The following KCNT1 variants were observed in gnomAD, a reference collection of about 807,000 sequenced individuals.
The protein encoded by KCNT1 is potassium sodium-activated channel subfamily T member 1, also known as potassium channel subfamily T member 1.
KCNT1 carries 78 observed loss-of-function variants against 147.8 expected under a neutral mutation model. That is an observed-to-expected ratio of 0.53 (90% CI 0.44 to 0.64). The LOEUF is 0.64. Among genes scored for constraint, KCNT1 ranks in the 30% least tolerant of loss-of-function variants. The pLI is 0.00. For missense variants in KCNT1, 1,419 were observed against 1,750.3 expected, an observed-to-expected ratio of 0.81 and a Z score of 3.38; for synonymous variants, 867 against 748.8, an observed-to-expected ratio of 1.16 and a Z score of -2.58.
chr9:135,776,171 C>T (rs1833156868), intron 20 of KCNT1, among the ~76,000 whole-genome samples: 1 of 152,142 alleles, frequency 6.6e-6, no homozygotes, highest in African/African-American at 2.4e-5. Context: ...TTAGCAGCTT[C>T]TCTGTGGGGG....
chr9:135,753,659 G>T, intron 4 of KCNT1: 2 of 535,468 alleles, frequency 3.7e-6, no homozygotes, highest in South Asian at 5.0e-5. Flanking sequence ...CCCCAATCCC[G>T]CAGATGTGGG....
chr9:135,787,729 C>T (rs1208387165), intron 29 of KCNT1, among the ~76,000 whole-genome samples: 1 of 152,210 alleles, frequency 6.6e-6, no homozygotes, highest in Admixed American at 6.5e-5. Flanking sequence ...CCTGTCCCCG[C>T]CTTGAAGCTT....
In KCNT1 at chr9:135,791,898, G is replaced by T; in HGVS notation, c.3587+17G>T. ...TGACATTGTGTGAGTAGCACCTGTG[G>T]GCTGTGTGGAGACCCCCCCTGAGCA... On this transcript the variant is annotated intron_variant, in intron 30 of 30. Transcript: ENST00000371757. The T allele has an allele frequency of 6.2e-7, 1 of 1,612,794 alleles. No individual in the cohort carries two copies. Among genetic ancestry groups the T allele is most frequent in the Non-Finnish European group, 8.5e-7 (1 of 1,179,670 alleles).
chr9:135,765,712 T>A lies in KCNT1; in HGVS notation c.1289T>A (p.Ile430Asn), dbSNP rs1475180895. The change falls in exon 13 of 31, where the codon ATC becomes AAC. Residue 430 changes from isoleucine to asparagine, a missense_variant. This residue lies in a region of KCNT1 where 401 missense variants were observed against 610.6 expected (regional missense o/e 0.66). Coordinates refer to ENST00000371757, the MANE Select transcript of KCNT1 (RefSeq NM_020822.3). ...ATCCCTCTGTGGTCCCAGCGGGTCA[T>A]CTACCTCCAGGGCTCTGCACTCAAA... The part of the protein sequence containing the change: ...LQIPLWSQRV[I>N]YLQGSALKDQ... 1 of 1,610,980 alleles carries A rather than the reference T, an allele frequency of 6.2e-7. No individual in the cohort carries two copies.
At chr9:135,785,832 C>T (rs1040960621) in intron 28 of KCNT1, 3 of 428,734 alleles carry the variant, frequency 7.0e-6, no homozygotes, top group Non-Finnish European at 1.3e-5. Context: ...GAGGGGGTGA[C>T]CTCTCAGGGC....
chr9:135,786,351 A>C lies in KCNT1; in HGVS notation c.3332A>C (p.Gln1111Pro). ...EHPLLRRKSL[Q>P]WARRLSRKAP... Reference sequence around the variant, plus strand: ...CCACTGCTACGGCGCAAGAGCCTGCAGTGGGCCCGGAGGCTGAGCCGCAAG... The same window carrying C: ...CCACTGCTACGGCGCAAGAGCCTGCCGTGGGCCCGGAGGCTGAGCCGCAAG... The change falls in exon 29 of 31, where the codon CAG becomes CCG. Residue 1111 changes from glutamine to proline, a missense_variant. By Grantham distance (76) the Gln-to-Pro change is moderately conservative. This residue lies in a region of KCNT1 where 306 missense variants were observed against 294.2 expected (regional missense o/e 1.04). Transcript: ENST00000371757. The C allele has an allele frequency of 6.3e-7, 1 of 1,586,112 alleles. No homozygotes were observed. Among genetic ancestry groups the C allele is most frequent in the Middle Eastern group, 1.9e-4 (1 of 5,314 alleles).
intron 18 of KCNT1, among the ~76,000 whole-genome samples, chr9:135,772,027 G>T (rs527482067): frequency 2.6e-5 from 4 of 152,286 alleles, no homozygotes; most frequent in Non-Finnish European, 4.4e-5. Flanking sequence ...GAGACGTGCC[G>T]ATGCGGAGCC....
At chr9:135,750,060 C>G in intron 2 of KCNT1, 38 bp from the exon 3 acceptor site, 2 of 1,559,244 alleles carry the variant, frequency 1.3e-6, no homozygotes, top group Non-Finnish European at 1.8e-6. Context: ...TGAGTCCCCA[C>G]TGGCCCTGAG....
In KCNT1 at chr9:135,758,491, G is replaced by A. The variant is rs1312494632; in HGVS notation, c.837G>A (p.Leu279=). The change falls in exon 10 of 31, where the codon CTG becomes CTA. Residue 279 remains leucine, a synonymous_variant. Coordinates refer to ENST00000371757, the MANE Select transcript of KCNT1 (RefSeq NM_020822.3). ...TCCTCATCCTCTTCTGCACCCTGCT[G>A]TGCCTCGTTTTCACGGGGTGAGTGC... ...NQVLILFCTL[L]CLVFTGTCGI... 1.2e-6 allele frequency: 2 copies of A among 1,613,604 alleles called. No homozygotes were observed. The highest frequency in any genetic ancestry group is 2.2e-5 in the East Asian group (1 of 44,884).
chr9:135,714,735 C>CGG lies in KCNT1; in HGVS notation c.254+18_254+19dup, dbSNP rs141291153. 302,725 of 1,344,286 alleles carry CGG rather than the reference C, an allele frequency of 0.23. 36,993 individuals are homozygous for CGG. Among genetic ancestry groups the CGG allele is most frequent in the African/African-American group, 0.4 (25,946 of 64,532 alleles). The allele number at this position is 1,344,286 out of a possible 1,614,324, so 83.3% of individuals were successfully genotyped here. A position where few individuals can be genotyped will look rare whatever the true frequency, so the allele number is the denominator to read the frequency against. On this transcript the variant is annotated intron_variant, in intron 2 of 30. Coordinates refer to ENST00000371757, the MANE Select transcript of KCNT1 (RefSeq NM_020822.3). The surrounding 1 kb of genome is among the most constrained non-coding windows in gnomAD (Gnocchi z 6.2). ...AACGACGACAGGTAGGGACCGGGCG[C>CGG]GGGGTGGGGGCTGGGGTCGCCGTCC...
intron 2 of KCNT1, among the ~76,000 whole-genome samples, chr9:135,723,259 C>G (rs1835997098): frequency 6.6e-6 from 1 of 152,224 alleles, no homozygotes; most frequent in East Asian, 1.9e-4. Context: ...TGTCCCGTGA[C>G]CCGTCACCCC....
intron 19 of KCNT1, among the ~76,000 whole-genome samples, chr9:135,774,967 A>C (rs1833060894): frequency 6.6e-6 from 1 of 151,932 alleles, no homozygotes; most frequent in African/African-American, 2.4e-5. Context: ...CTGGCCTTGC[A>C]GCCGCTGCTG....
At chr9:135,710,527 A>G (rs1176634504) in intron 1 of KCNT1, among the ~76,000 whole-genome samples, 1 of 152,132 alleles carries the variant, frequency 6.6e-6, no homozygotes, top group African/African-American at 2.4e-5. Context: ...ACTCGTTCCA[A>G]TACCATAGGA....
chr9:135,787,360 AT>A (rs1015569300), intron 29 of KCNT1, among the ~76,000 whole-genome samples: 1 of 152,070 alleles, frequency 6.6e-6, no homozygotes, highest in African/African-American at 2.4e-5. Flanking sequence ...TGATGAAGCC[AT>A]GGGCCCCAGC....
chr9:135,724,862 A>G (rs1836068261), intron 2 of KCNT1, among the ~76,000 whole-genome samples: 1 of 152,194 alleles, frequency 6.6e-6, no homozygotes, highest in African/African-American at 2.4e-5. Context: ...GGGCTCCTGC[A>G]GGCACAGATG....
intron 26 of KCNT1, 44 bp downstream of exon 26, chr9:135,784,662 T>C (rs762492861): frequency 6.2e-7 from 1 of 1,610,216 alleles, no homozygotes; most frequent in Non-Finnish European, 8.5e-7. Context: ...TGCTGGGCTG[T>C]CCAAGTGGGT....
At chr9:135,715,941 GT>G (rs2131332217) in intron 2 of KCNT1, among the ~76,000 whole-genome samples, 1 of 152,286 alleles carries the variant, frequency 6.6e-6, no homozygotes, top group South Asian at 2.1e-4. Context: ...TTTAAACTTG[GT>G]TTTTCATCTT....
At position 135,714,711 on chromosome 9, in the gene KCNT1, A is replaced by C; in HGVS notation, c.245A>C (p.Asn82Thr). Residue 82 changes from asparagine to threonine, a missense_variant, in exon 2 of 31, where the codon AAC becomes ACC. Around this residue, in one of 5 missense-constraint regions of KCNT1, gnomAD observed 181 missense variants for 155.7 expected, o/e 1.16. Transcript: ENST00000371757. The surrounding 1 kb of genome is among the most constrained non-coding windows in gnomAD (Gnocchi z 6.2). Reference protein sequence around the residue: ...DLLLGDPSFQNDDRVQVEFYV... With the variant: ...DLLLGDPSFQTDDRVQVEFYV... The stretch of plus-strand genomic sequence containing the variant: ...CTGCTGGGCGACCCGTCCTTCCAGA[A>C]CGACGACAGGTAGGGACCGGGCGCG... 7.0e-7 allele frequency: 1 copy of C among 1,434,982 alleles called. No homozygotes were observed. Among genetic ancestry groups the C allele is most frequent in the African/African-American group, 1.5e-5 (1 of 66,256 alleles). 88.9% of individuals were successfully genotyped at this position (1,434,982 alleles called of 1,614,324 possible). A position where few individuals can be genotyped will look rare whatever the true frequency, so the allele number is the denominator to read the frequency against.
rs1293474036 is a variant in KCNT1 at position 135,793,700 on chromosome 9, C to T, written c.*1539C>T. 2.0e-5 allele frequency: 3 copies of T among 152,398 alleles called. No individual in the cohort carries two copies. The highest frequency in any genetic ancestry group is 4.4e-5 in the Non-Finnish European group (3 of 68,176). The allele number at this position is 152,398 out of a possible 1,614,324, so 9.4% of individuals were successfully genotyped here. A position where few individuals can be genotyped will look rare whatever the true frequency, so the allele number is the denominator to read the frequency against. ...GCCCTGGCCACACAGACTAGCTAGT[C>T]CCTTACTCCCGGCCTGTCTGGAACC... is the stretch of plus-strand genomic sequence containing the variant. On this transcript the variant is annotated 3_prime_UTR_variant, in exon 31 of 31. Coordinates refer to ENST00000371757, the MANE Select transcript of KCNT1 (RefSeq NM_020822.3).
Sources: allele counts gnomAD v4.1 joint callset (sites outside exome capture counted in the v4.1 genomes callset), GRCh38; gene constraint gnomAD v4.1.1; regional missense constraint gnomAD v4.1.1; non-coding constraint Gnocchi (gnomAD v3.1); transcripts MANE v1.5; gene names NCBI Gene and HGNC (gene_info 2026-07-23, HGNC 2026-07-21).